The following EPHA7 variants were observed in gnomAD, a reference collection of about 807,000 sequenced individuals.
The protein encoded by EPHA7 is ephrin type-A receptor 7.
EPHA7 carries 25 observed loss-of-function variants against 112.6 expected under a neutral mutation model. The observed-to-expected ratio is 0.22, with a 90% CI of 0.16 to 0.31. EPHA7 has a LOEUF of 0.31. Ranked by LOEUF, EPHA7 falls within the 10% of genes least tolerant of loss-of-function variation. The pLI is 1.00. For missense variants in EPHA7, 962 were observed against 1,212.6 expected, an observed-to-expected ratio of 0.79 and a Z score of 3.07; for synonymous variants, 437 against 406.5, an observed-to-expected ratio of 1.07 and a Z score of -0.90.
At chr6:93,277,466 A>T (rs1771523879) in intron 5 of EPHA7, among the ~76,000 whole-genome samples, 1 of 151,948 alleles carries the variant, frequency 6.6e-6, no homozygotes, top group Non-Finnish European at 1.5e-5. Flanking sequence ...TAATATTAAG[A>T]ATGATACATA....
At chr6:93,334,354 T>A (rs1174642093) in intron 5 of EPHA7, among the ~76,000 whole-genome samples, 1 of 151,826 alleles carries the variant, frequency 6.6e-6, no homozygotes, top group Non-Finnish European at 1.5e-5. Flanking sequence ...GATTTCATGA[T>A]GAAGATGCCA....
chr6:93,321,310 C>G (rs1774059039), intron 5 of EPHA7, among the ~76,000 whole-genome samples: 1 of 151,830 alleles, frequency 6.6e-6, no homozygotes, highest in Non-Finnish European at 1.5e-5. Flanking sequence ...AAGAATCAAA[C>G]AGTAGGCAAC....
At chr6:93,385,052 C>T (rs1777533345) in intron 3 of EPHA7, among the ~76,000 whole-genome samples, 1 of 152,034 alleles carries the variant, frequency 6.6e-6, no homozygotes, top group Admixed American at 6.6e-5. Context: ...CTTTTATTAG[C>T]TATGTAATTA....
At chr6:93,286,145 T>TACACAC (rs111975905) in intron 5 of EPHA7, among the ~76,000 whole-genome samples, 17 of 149,994 alleles carry the variant, frequency 1.1e-4, no homozygotes, top group Non-Finnish European at 2.2e-4. Context: ...TGTTTTTCCT[T>TACACAC]ACACACACAC....
rs1027262511 is a variant in EPHA7, at chr6:93,315,606, CTG to C, written c.1324+41109_1324+41110del. ...CTATTTTTTTGTATTTGAAAAATCT[CTG>C]TAACATTAGTGTTACTCTTGTAGAT... On this transcript the variant is annotated intron_variant, in intron 5 of 16. Transcript: ENST00000369303. Among the ~76,000 whole-genome samples, 7 of 152,300 alleles carry C rather than the reference CTG, an allele frequency of 4.6e-5. No homozygotes were observed. In the South Asian group the frequency reaches 6.2e-4, roughly 14 times the overall value.
chr6:93,366,140 GAAAA>G (rs963957333), intron 3 of EPHA7, among the ~76,000 whole-genome samples: 1 of 150,010 alleles, frequency 6.7e-6, no homozygotes, highest in Non-Finnish European at 1.5e-5. Context: ...TGATAAAAAA[GAAAA>G]AAAAAGTCAA....
intron 3 of EPHA7, among the ~76,000 whole-genome samples, chr6:93,388,337 C>A (rs1227290822): frequency 6.6e-6 from 1 of 152,116 alleles, no homozygotes; most frequent in Non-Finnish European, 1.5e-5. Flanking sequence ...CATTTTCTCA[C>A]CCTGGAAGAG....
intron 5 of EPHA7, among the ~76,000 whole-genome samples, chr6:93,333,225 T>C (rs1186931758): frequency 6.6e-6 from 1 of 151,858 alleles, no homozygotes; most frequent in Non-Finnish European, 1.5e-5. Flanking sequence ...TCATTCTTTT[T>C]TAAGGCTATG....
intron 5 of EPHA7, among the ~76,000 whole-genome samples, chr6:93,323,430 C>A (rs368685836): frequency 6.6e-6 from 1 of 151,380 alleles, no homozygotes; most frequent in Admixed American, 6.6e-5. Flanking sequence ...GCTCAAGAAA[C>A]CAAAATAATG....
At chr6:93,365,202 T>A (rs1046899628) in intron 3 of EPHA7, among the ~76,000 whole-genome samples, 1 of 152,188 alleles carries the variant, frequency 6.6e-6, no homozygotes, top group Non-Finnish European at 1.5e-5. Flanking sequence ...TATAAGGCTT[T>A]GCAGATGTTG....
At chr6:93,401,214 T>G (rs1311310977) in intron 3 of EPHA7, among the ~76,000 whole-genome samples, 2 of 152,084 alleles carry the variant, frequency 1.3e-5, no homozygotes, top group Non-Finnish European at 2.9e-5. Flanking sequence ...CTTAAATGAC[T>G]AAATAACATG....
At chr6:93,365,621 A>G (rs532592574) in intron 3 of EPHA7, among the ~76,000 whole-genome samples, 2 of 152,264 alleles carry the variant, frequency 1.3e-5, no homozygotes, top group East Asian at 3.9e-4. Flanking sequence ...TCCTGTCACT[A>G]ATATTCTATG....
intron 14 of EPHA7, among the ~76,000 whole-genome samples, chr6:93,249,815 A>G (rs1354508917): frequency 6.6e-6 from 1 of 152,202 alleles, no homozygotes; most frequent in East Asian, 1.9e-4. Flanking sequence ...ACTTTTCAAT[A>G]GCACTTCAAG....
chr6:93,271,858 A>G (rs1169639508), intron 6 of EPHA7, among the ~76,000 whole-genome samples: 1 of 151,896 alleles, frequency 6.6e-6, no homozygotes, highest in Non-Finnish European at 1.5e-5. Flanking sequence ...TATACAAAAT[A>G]TTCTTATTAT....
rs563710975 is a variant in EPHA7 at position 93,364,748 on chromosome 6, C to G, written c.833-6337G>C. Among the ~76,000 whole-genome samples the G allele has an allele frequency of 3.2e-3, 490 of 151,732 alleles. 8 individuals are homozygous for G. The highest frequency in any genetic ancestry group is 0.011 in the African/African-American group (470 of 41,422). On this transcript the variant is annotated intron_variant, in intron 3 of 16. Coordinates refer to ENST00000369303, the MANE Select transcript of EPHA7 (RefSeq NM_004440.4). ...ACTGTGTACTCACAAAAATTAAAAACTAAAAAAAGAAATTACCTATGGATT... is the reference window on the plus strand; with the variant it reads ...ACTGTGTACTCACAAAAATTAAAAAGTAAAAAAAGAAATTACCTATGGATT...
At chr6:93,367,673 T>C (rs561272138) in intron 3 of EPHA7, among the ~76,000 whole-genome samples, 33 of 152,200 alleles carry the variant, frequency 2.2e-4, no homozygotes, top group African/African-American at 7.0e-4. Context: ...ATTCACTGTG[T>C]GGTCTTTACA....
intron 1 of EPHA7, 63 bp downstream of exon 1, chr6:93,419,182 G>T: frequency 1.4e-6 from 2 of 1,395,480 alleles, no homozygotes; most frequent in Non-Finnish European, 2.0e-6. Context: ...GGACGAGCTG[G>T]CTTGTGCAGG....
At chr6:93,314,902 G>A (rs1469346245) in intron 5 of EPHA7, among the ~76,000 whole-genome samples, 19 of 117,202 alleles carry the variant, frequency 1.6e-4, no homozygotes, top group African/African-American at 3.8e-4. Flanking sequence ...TCGCTCTGTC[G>A]CCCAGGCTGG....
chr6:93,251,521 C>CT (rs66492350), intron 14 of EPHA7, among the ~76,000 whole-genome samples: 97,791 of 151,102 alleles, frequency 0.65, 32,671 homozygotes, highest in South Asian at 0.83. Context: ...TATTAGGATA[C>CT]TAATTTACTA....
Sources: gnomAD v4.1 joint callset for allele counts (sites outside exome capture counted in the v4.1 genomes callset) on GRCh38, gnomAD v4.1.1 for gene constraint, MANE v1.5 for transcripts, NCBI Gene and HGNC (gene_info 2026-07-23, HGNC 2026-07-21) for gene names.